The following ALDH2 variants were observed in gnomAD, a reference collection of about 807,000 sequenced individuals.
ALDH2 encodes the protein aldehyde dehydrogenase 2 family member.
A neutral mutation model predicts 59.6 loss-of-function variants in ALDH2; 44 were observed. The observed-to-expected ratio is 0.74, with a 90% CI of 0.58 to 0.95. The LOEUF is 0.95. ALDH2 is among the 40% of genes least tolerant of loss of function. The pLI, the probability that ALDH2 is intolerant of heterozygous loss-of-function variation, is 0.00. For missense variants in ALDH2, 570 were observed against 696.3 expected (o/e 0.82, Z 2.04); for synonymous variants, 291 against 284.0 (o/e 1.02, Z -0.25).
chr12:111,790,627 T>G (rs1278824209), intron 6 of ALDH2, 65 bp downstream of exon 6: 1 of 1,605,452 alleles, frequency 6.2e-7, no homozygotes, highest in East Asian at 2.2e-5. Flanking sequence ...AAAGGAGTTC[T>G]GAGAAGGGTC....
In ALDH2 at chr12:111,785,435, C is replaced by A; in HGVS notation, c.440+89C>A. The stretch of plus-strand genomic sequence containing the variant: ...AGGTAAAAATTAAATTACAAAAATT[C>A]AAAAGGGGCAGAGCGCGGTATCTCA... On this transcript the variant is annotated intron_variant, in intron 4 of 12. Transcript: ENST00000261733. 3 of 1,199,476 alleles carry A rather than the reference C, an allele frequency of 2.5e-6. No homozygotes were observed. In the Admixed American group the frequency reaches 5.5e-5, roughly 22 times the overall value. The allele number at this position is 1,199,476 out of a possible 1,614,324, so 74.3% of individuals were successfully genotyped here.
At position 111,817,353 on chromosome 12, in the gene ALDH2, C is replaced by T. The variant is rs1016965588; in HGVS notation, c.*7778C>T. 1 of 152,144 alleles carries T rather than the reference C, an allele frequency of 6.6e-6. No homozygotes were observed. The highest frequency in any genetic ancestry group is 6.5e-5 in the Admixed American group (1 of 15,270). 9.4% of individuals were successfully genotyped at this position (152,144 alleles called of 1,614,324 possible). A position where few individuals can be genotyped will look rare whatever the true frequency, so the allele number is the denominator to read the frequency against. ...AGGCTGGGACAGATTAACAGGAATC[C>T]ATAGCCCAGGGATGCGACCCAAAAT... On this transcript the variant is annotated 3_prime_UTR_variant, in exon 13 of 13. Coordinates refer to ENST00000261733, the MANE Select transcript of ALDH2 (RefSeq NM_000690.4).
chr12:111,798,241 A>C lies in ALDH2; in HGVS notation c.1247A>C (p.Glu416Ala). 2 of 1,551,456 alleles carry C rather than the reference A, an allele frequency of 1.3e-6. No individual in the cohort carries two copies. The highest frequency in any genetic ancestry group is 1.7e-6 in the Non-Finnish European group (2 of 1,147,944). Residue 416 changes from glutamate (E) to alanine (A), a missense_variant and splice_region_variant, in exon 10 of 13, where the codon GAG (glutamate) becomes GCG (alanine). Physicochemically the swap from Glu to Ala is moderately radical, Grantham distance 107 (BLOSUM62 -1). Coordinates refer to ENST00000261733, the MANE Select transcript of ALDH2 (RefSeq NM_000690.4). ...GATGGCATGACCATCGCCAAGGAGG[A>C]GGTGAGCACTTGGGGCCAGTGCTCT... The part of the protein sequence containing the change: ...VQDGMTIAKE[E>A]IFGPVMQILK...
At chr12:111,790,370 T>C (rs2068348316) in intron 5 of ALDH2, 64 bp from the exon 6 acceptor site, 2 of 1,606,002 alleles carry the variant, frequency 1.2e-6, no homozygotes, top group Non-Finnish European at 1.7e-6. Context: ...GTTGCCACCT[T>C]CTGCTACCCA....
At chr12:111,768,082 T>A (rs2068172906) in intron 1 of ALDH2, among the ~76,000 whole-genome samples, 1 of 152,242 alleles carries the variant, frequency 6.6e-6, no homozygotes, top group Admixed American at 6.5e-5. Flanking sequence ...AGGAAGGGAC[T>A]GTAATTCTCC....
rs1313192450 is a variant in ALDH2 at position 111,791,381 on chromosome 12, G to A, written c.757G>A (p.Glu253Lys). ...GGCTGGGGCCGCCATTGCCTCCCAT[G>A]AGGATGTGGACAAAGTGGCATTCAC... is the stretch of plus-strand genomic sequence containing the variant. ...PTAGAAIASH[E>K]DVDKVAFTGS... is the part of the protein sequence containing the mutation. The change falls in exon 7 of 13, where the codon GAG becomes AAG. Residue 253 changes from glutamate to lysine, a missense_variant. Transcript: ENST00000261733. 2 of 1,614,004 alleles carry A rather than the reference G, an allele frequency of 1.2e-6. No individual in the cohort carries two copies. Among genetic ancestry groups the A allele is most frequent in the Non-Finnish European group, 1.7e-6 (2 of 1,179,986 alleles).
chr12:111,784,019 G>A (rs1357649935), intron 3 of ALDH2, among the ~76,000 whole-genome samples: 2 of 152,194 alleles, frequency 1.3e-5, no homozygotes, highest in African/African-American at 4.8e-5. Context: ...AGAAGCCAGA[G>A]CAAACCTTCC....
At chr12:111,780,793 C>G (rs2068265706) in intron 1 of ALDH2, among the ~76,000 whole-genome samples, 1 of 152,218 alleles carries the variant, frequency 6.6e-6, no homozygotes, top group Non-Finnish European at 1.5e-5. Context: ...CCTGGCCCAT[C>G]GCAGGTGTTC....
rs553584422 is a variant in ALDH2, at chr12:111,804,959, G to A, written c.1521+986G>A. ...GACCCATCAGAAATACAAAGAAAGC[G>A]TTCCTTCCATAAATATTCATCACTG... is the stretch of plus-strand genomic sequence containing the variant. On this transcript the variant is annotated intron_variant, in intron 12 of 12. Coordinates refer to ENST00000261733, the MANE Select transcript of ALDH2 (RefSeq NM_000690.4). Among the ~76,000 whole-genome samples the A allele has an allele frequency of 5.5e-4, 83 of 152,168 alleles. 1 individual carries two copies. In the South Asian group the frequency reaches 0.013, roughly 25 times the overall value.
Position 111,803,946 on chromosome 12 carries a change from G to A in ALDH2, c.1494G>A (p.Gly498=), listed in dbSNP as rs2068473633. The part of the protein sequence containing the change: ...SGSGRELGEY[G]LQAYTEVKTV... ...GTGGCCGGGAGTTGGGCGAGTACGG[G>A]CTGCAGGCATACACTGAAGTGAAAA... The change falls in exon 12 of 13, where the codon GGG becomes GGA. Residue 498 remains glycine (G), a synonymous_variant. Transcript: ENST00000261733. 1.2e-6 allele frequency: 2 copies of A among 1,611,682 alleles called. No homozygotes were observed. The highest frequency in any genetic ancestry group is 1.3e-5 in the African/African-American group (1 of 74,852).
At chr12:111,797,185 G>A (rs534703777) in intron 9 of ALDH2, among the ~76,000 whole-genome samples, 29 of 152,072 alleles carry the variant, frequency 1.9e-4, no homozygotes, top group Non-Finnish European at 3.5e-4. Context: ...TGCCTGCCTC[G>A]TCCTCCCAAA....
At chr12:111,791,248 G>A (rs1480149856) in intron 6 of ALDH2, 58 bp from the exon 7 acceptor site, 4 of 1,325,850 alleles carry the variant, frequency 3.0e-6, no homozygotes, top group South Asian at 1.2e-5. Flanking sequence ...TCTTCCCCTG[G>A]TTGAGCCCTT....
chr12:111,809,493 A>G (rs1446434544), intron 12 of ALDH2, 50 bp from the exon 13 acceptor site: 3 of 1,610,168 alleles, frequency 1.9e-6, no homozygotes, highest in Non-Finnish European at 2.5e-6. Flanking sequence ...GGGGACCTAC[A>G]GATCACAGGG....
At chr12:111,783,324 C>G in intron 3 of ALDH2, 26 bp downstream of exon 3, 1 of 1,583,748 alleles carries the variant, frequency 6.3e-7, no homozygotes, top group Non-Finnish European at 8.6e-7. Flanking sequence ...TTCTCCCCCT[C>G]AGATCCCATG....
At chr12:111,775,494 G>A (rs2068228234) in intron 1 of ALDH2, 1 of 369,050 alleles carries the variant, frequency 2.7e-6, no homozygotes, top group Non-Finnish European at 5.4e-6. Flanking sequence ...GAAAGCTTAT[G>A]GAATGCGTGG....
At chr12:111,781,876 G>A (rs981036077) in intron 1 of ALDH2, 42 bp from the exon 2 acceptor site, 23 of 1,474,996 alleles carry the variant, frequency 1.6e-5, no homozygotes, top group South Asian at 2.3e-5. Context: ...TCAGTATTAG[G>A]TTGACAGCTG....
chr12:111,787,263 A>G (rs1319602551), intron 4 of ALDH2, among the ~76,000 whole-genome samples: 3 of 152,124 alleles, frequency 2.0e-5, no homozygotes, highest in Admixed American at 6.5e-5. Context: ...GATAGAGTCA[A>G]GAGGTCTCTA....
At chr12:111,769,946 C>T (rs2068187126) in intron 1 of ALDH2, among the ~76,000 whole-genome samples, 1 of 152,040 alleles carries the variant, frequency 6.6e-6, no homozygotes, top group South Asian at 2.1e-4. Context: ...GAGTTCGAGA[C>T]TAGCCTGGCC....
rs760390936 is a variant in ALDH2, at chr12:111,792,662, C to T, written c.963C>T (p.Ala321=). The change falls in exon 9 of 13, where the codon GCC becomes GCT. Residue 321 remains alanine (A), a synonymous_variant. Transcript: ENST00000261733. The part of the protein sequence containing the change: ...LFFNQGQCCC[A]GSRTFVQEDI... ...TCAACCAGGGCCAGTGCTGCTGTGC[C>T]GGCTCCCGGACCTTCGTGCAGGAGG... The T allele has an allele frequency of 1.4e-5, 23 of 1,611,864 alleles. No homozygotes were observed. The highest frequency in any genetic ancestry group is 1.3e-4 in the Admixed American group (8 of 59,792).
Sources: gnomAD v4.1 joint callset for allele counts (sites outside exome capture counted in the v4.1 genomes callset) on GRCh38, gnomAD v4.1.1 for gene constraint, MANE v1.5 for transcripts, NCBI Gene and HGNC (gene_info 2026-07-23, HGNC 2026-07-21) for gene names.